Variants in CCDC38 observed in about 807,000 individuals in gnomAD.
The protein encoded by CCDC38 is coiled-coil domain containing 38.
A neutral mutation model predicts 72.8 loss-of-function variants in CCDC38; 69 were observed. The ratio of observed to expected loss-of-function variants is 0.95; its 90% CI spans 0.78 to 1.16. CCDC38 has a LOEUF of 1.16. Among genes scored for constraint, CCDC38 ranks in the 50% most tolerant of loss-of-function variants. The pLI is 0.00. For missense variants in CCDC38, 626 were observed against 638.9 expected (o/e 0.98, Z 0.22); for synonymous variants, 201 against 213.2 (o/e 0.94, Z 0.50).
At chr12:95,919,887 A>G (rs1254260568) in intron 2 of CCDC38, among the ~76,000 whole-genome samples, 1 of 152,188 alleles carries the variant, frequency 6.6e-6, no homozygotes, top group Non-Finnish European at 1.5e-5. Flanking sequence ...TCCTAGAAGG[A>G]ATGTTTAAGT....
chr12:95,933,391 G>A (rs770781741), intron 2 of CCDC38: 1 of 152,114 alleles, frequency 6.6e-6, no homozygotes, highest in African/African-American at 2.4e-5. Context: ...TATTAAATAA[G>A]CATTTAACAG....
chr12:95,914,264 C>A (rs896335715), intron 4 of CCDC38, among the ~76,000 whole-genome samples: 1 of 152,176 alleles, frequency 6.6e-6, no homozygotes, highest in African/African-American at 2.4e-5. Context: ...ACAGATTTTG[C>A]AGTAAGCCAA....
chr12:95,937,745 G>A (rs536855950), intron 1 of CCDC38, among the ~76,000 whole-genome samples: 1 of 152,132 alleles, frequency 6.6e-6, no homozygotes, highest in Non-Finnish European at 1.5e-5. Flanking sequence ...TTTGAATCTT[G>A]GTTTGGTATT....
At chr12:95,916,395 TC>T (rs2080145111) in intron 4 of CCDC38, among the ~76,000 whole-genome samples, 1 of 151,660 alleles carries the variant, frequency 6.6e-6, no homozygotes, top group Non-Finnish European at 1.5e-5. Flanking sequence ...CTTCCTTCCT[TC>T]CTTCCTTCCT....
intron 2 of CCDC38, among the ~76,000 whole-genome samples, chr12:95,929,008 C>T (rs1249174696): frequency 6.6e-6 from 1 of 152,030 alleles, no homozygotes; most frequent in South Asian, 2.1e-4. Flanking sequence ...CTGTGCCCTG[C>T]CCCCAGAGGT....
chr12:95,917,000 T>C (rs1033683477), intron 4 of CCDC38, 129 bp downstream of exon 4: 2 of 549,592 alleles, frequency 3.6e-6, no homozygotes, highest in Admixed American at 4.1e-5. Flanking sequence ...TCAATCCCCA[T>C]GTACTAAGAC....
intron 4 of CCDC38, among the ~76,000 whole-genome samples, chr12:95,908,477 G>A: frequency 0.1 from 1 of 10 alleles, no homozygotes; most frequent in African/African-American, 0.25. Context: ...GAGAGGGAGA[G>A]GGAGAGGGAG....
At chr12:95,896,055 CAAA>C (rs1169899419) in intron 7 of CCDC38, among the ~76,000 whole-genome samples, 3 of 73,044 alleles carry the variant, frequency 4.1e-5, no homozygotes, top group Non-Finnish European at 5.6e-5. Context: ...GACTCTGTCT[CAAA>C]AAAAAAAAAA....
intron 9 of CCDC38, among the ~76,000 whole-genome samples, chr12:95,889,913 A>C (rs2079805017): frequency 6.6e-6 from 1 of 151,220 alleles, no homozygotes; most frequent in Non-Finnish European, 1.5e-5. Context: ...TTATTTATTT[A>C]TTTATTTATT....
intron 4 of CCDC38, among the ~76,000 whole-genome samples, chr12:95,909,110 A>G (rs1308483537): frequency 6.6e-6 from 1 of 152,184 alleles, no homozygotes; most frequent in Non-Finnish European, 1.5e-5. Flanking sequence ...AATGAAACAA[A>G]AAGTTGGTTC....
chr12:95,879,725 A>G lies in CCDC38; in HGVS notation c.1061T>C (p.Leu354Pro), dbSNP rs1185197895. The G allele has an allele frequency of 6.2e-7, 1 of 1,611,974 alleles. No homozygotes were observed. Among genetic ancestry groups the G allele is most frequent in the East Asian group, 2.2e-5 (1 of 44,862 alleles). ...ATCTTGGGAATATTGAAACAAAGTA[A>G]GATTCTGCTCTTCCAGCTCTCTGAG... is the stretch of plus-strand genomic sequence containing the variant. ...QVLRELEEQN[L>P]TLFQYSQDVD... is the part of the protein sequence containing the mutation. The change falls in exon 12 of 16, where the codon CTT (leucine) becomes CCT (proline). Residue 354 changes from leucine (L) to proline (P), a missense_variant. Transcript: ENST00000344280. This position sits in a 1 kb window ranked among gnomAD's most constrained non-coding sequence, Gnocchi z 5.5.
intron 2 of CCDC38, among the ~76,000 whole-genome samples, chr12:95,925,359 A>G (rs145950900): frequency 0.024 from 3,581 of 152,252 alleles, 128 homozygotes; most frequent in African/African-American, 0.081. Flanking sequence ...ATTGGTGTAT[A>G]AGAATGCTTG....
intron 1 of CCDC38, among the ~76,000 whole-genome samples, chr12:95,939,476 C>T (rs542471578): frequency 1.3e-5 from 2 of 152,278 alleles, no homozygotes; most frequent in South Asian, 2.1e-4. Flanking sequence ...ATAATGCTAT[C>T]CCTTCCTTGG....
chr12:95,875,427 A>G (rs1307616722), intron 13 of CCDC38, among the ~76,000 whole-genome samples: 1 of 41,984 alleles, frequency 2.4e-5, no homozygotes, highest in Non-Finnish European at 4.5e-5. Flanking sequence ...TAGGGGATTA[A>G]GTATCATTAA....
chr12:95,890,723 G>A, intron 9 of CCDC38, 109 bp downstream of exon 9: 1 of 600,324 alleles, frequency 1.7e-6, no homozygotes, highest in East Asian at 2.9e-5. Context: ...ATTGAGGGTG[G>A]GGTGGACACA....
chr12:95,929,502 G>A (rs1385751809), intron 2 of CCDC38, among the ~76,000 whole-genome samples: 3 of 152,158 alleles, frequency 2.0e-5, no homozygotes, highest in Admixed American at 2.0e-4. Context: ...CCTGTCTTCT[G>A]CGTTGCTCAC....
chr12:95,898,112 T>C (rs987675746), intron 7 of CCDC38, among the ~76,000 whole-genome samples: 1 of 152,186 alleles, frequency 6.6e-6, no homozygotes, highest in African/African-American at 2.4e-5. Flanking sequence ...TAGATAATAA[T>C]TTATTGTTTA....
At chr12:95,867,373 T>C (rs964769440) in intron 15 of CCDC38, among the ~76,000 whole-genome samples, 184 bp from the exon 16 acceptor site, 3 of 152,150 alleles carry the variant, frequency 2.0e-5, no homozygotes, top group East Asian at 3.8e-4. Context: ...CAAAGTTGAG[T>C]AGCAAACTGG....
At chr12:95,930,053 AATTAC>A (rs1287874149) in intron 2 of CCDC38, among the ~76,000 whole-genome samples, 1 of 152,072 alleles carries the variant, frequency 6.6e-6, no homozygotes, top group Non-Finnish European at 1.5e-5. Context: ...TCCTTATCTT[AATTAC>A]ATTTGCAAAG....
Sources: gnomAD v4.1 joint callset for allele counts (sites outside exome capture counted in the v4.1 genomes callset) on GRCh38, gnomAD v4.1.1 for gene constraint, Gnocchi (gnomAD v3.1) non-coding constraint, MANE v1.5 for transcripts, NCBI Gene and HGNC (gene_info 2026-07-23, HGNC 2026-07-21) for gene names.